The following GRID2IP variants were observed in gnomAD, a reference collection of about 807,000 sequenced individuals.
GRID2IP encodes Grid2 interacting protein.
GRID2IP carries 78 observed loss-of-function variants against 114.3 expected under a neutral mutation model. The ratio of observed to expected loss-of-function variants is 0.68; its 90% CI spans 0.57 to 0.82. GRID2IP has a LOEUF of 0.82. GRID2IP is among the 40% of genes least tolerant of loss of function. The pLI is 0.00. For synonymous variants in GRID2IP, 809 were observed against 724.0 expected, an observed-to-expected ratio of 1.12 and a Z score of -1.89; for missense variants, 1,727 against 1,678.5, an observed-to-expected ratio of 1.03 and a Z score of -0.51.
chr7:6,538,782 G>T (rs1779769785), intron 2 of GRID2IP, among the ~76,000 whole-genome samples: 2 of 152,028 alleles, frequency 1.3e-5, no homozygotes, highest in African/African-American at 4.8e-5. Context: ...GTTGAGGCAG[G>T]AGAATTGCTT....
At chr7:6,514,208 G>A (rs908565294) in intron 8 of GRID2IP, among the ~76,000 whole-genome samples, 167 bp downstream of exon 8, 9 of 152,114 alleles carry the variant, frequency 5.9e-5, no homozygotes, top group African/African-American at 1.4e-4. Flanking sequence ...AGCCAAGATC[G>A]TGCCATTGCA....
chr7:6,498,261 C>T (rs558109937), intron 20 of GRID2IP, 33 bp from the exon 21 acceptor site: 36 of 1,509,506 alleles, frequency 2.4e-5, no homozygotes, highest in East Asian at 1.7e-4. Flanking sequence ...ACAGCCAGCC[C>T]GCTTGTGCCC....
chr7:6,542,842 T>TA (rs1424610920), intron 1 of GRID2IP, among the ~76,000 whole-genome samples: 2 of 152,154 alleles, frequency 1.3e-5, no homozygotes, highest in Non-Finnish European at 2.9e-5. Flanking sequence ...TGAAAGCACA[T>TA]ACTCCATGAG....
rs4724818 is a variant in GRID2IP at position 6,551,410 on chromosome 7, C to A, written c.27G>T (p.Thr9=). 7 of 1,545,026 alleles carry A rather than the reference C, an allele frequency of 4.5e-6. No individual in the cohort carries two copies. Among genetic ancestry groups the A allele is most frequent in the South Asian group, 1.2e-5 (1 of 83,398 alleles). Residue 9 remains threonine, a synonymous_variant, in exon 1 of 22, where the codon ACG becomes ACT. Transcript: ENST00000457091. ...CAAAGTCCTCTGGCCAGCCCTGGTT[C>A]GTGGCCGGCGTGGCAGTGGTGGCCA... is the stretch of plus-strand genomic sequence containing the variant. MATTATPA[T]NQGWPEDFGF... is the part of the protein sequence containing the mutation.
chr7:6,551,189 G>A lies in GRID2IP; in HGVS notation c.248C>T (p.Pro83Leu), dbSNP rs1207540293. The change falls in exon 1 of 22, where the codon CCG becomes CTG. Residue 83 changes from proline to leucine, a missense_variant. By Grantham distance (98) the Pro-to-Leu change is moderately conservative. Coordinates refer to ENST00000457091, the MANE Select transcript of GRID2IP (RefSeq NM_001145118.2). The stretch of plus-strand genomic sequence containing the variant: ...TGGGCCGGGGCCACCGTCGGGAGCC[G>A]GGAGCACGCCCAGACTGGGCGGCAC... ...PRVPPSLGVLPAPDGGPGPGS... is the reference protein window; with the variant it reads ...PRVPPSLGVLLAPDGGPGPGS... 2 of 1,398,768 alleles carry A rather than the reference G, an allele frequency of 1.4e-6. No homozygotes were observed. Among genetic ancestry groups the A allele is most frequent in the East Asian group, 6.2e-5 (2 of 32,444 alleles). 86.6% of individuals were successfully genotyped at this position (1,398,768 alleles called of 1,614,324 possible).
Position 6,536,731 on chromosome 7 carries a change from C to T in GRID2IP, c.584+2987G>A. 1.4e-6 allele frequency: 1 copy of T among 693,856 alleles called. No homozygotes were observed. The allele number at this position is 693,856 out of a possible 1,614,324, so 43.0% of individuals were successfully genotyped here. On this transcript the variant is annotated intron_variant, in intron 2 of 21. Coordinates refer to ENST00000457091, the MANE Select transcript of GRID2IP (RefSeq NM_001145118.2). The surrounding 1 kb of genome is among the most constrained non-coding windows in gnomAD (Gnocchi z 5.3). Reference sequence around the variant, plus strand: ...TCAGCTCCCCAGGAAGCGCTCAGAGCCAGCGCATCATCTCCGCGGCAAATT... The same window carrying T: ...TCAGCTCCCCAGGAAGCGCTCAGAGTCAGCGCATCATCTCCGCGGCAAATT...
chr7:6,515,369 G>C (rs1779274084), intron 7 of GRID2IP, among the ~76,000 whole-genome samples: 1 of 152,112 alleles, frequency 6.6e-6, no homozygotes, highest in African/African-American at 2.4e-5. Flanking sequence ...GGCTGAAGTA[G>C]GAGAATCGCT....
At chr7:6,524,983 G>A (rs1373334136) in intron 4 of GRID2IP, among the ~76,000 whole-genome samples, 1 of 151,840 alleles carries the variant, frequency 6.6e-6, no homozygotes, top group African/African-American at 2.4e-5. Flanking sequence ...CTCCTAAAAT[G>A]CTGCCCCGGC....
In GRID2IP at chr7:6,523,843, G is replaced by T. The variant is rs979015858; in HGVS notation, c.920-1886C>A. Among the ~76,000 whole-genome samples, 3 of 152,128 alleles carry T rather than the reference G, an allele frequency of 2.0e-5. No individual in the cohort carries two copies. Among genetic ancestry groups the T allele is most frequent in the Non-Finnish European group, 4.4e-5 (3 of 68,026 alleles). ...CCAGCCACACCTGGATTCTAACAAG[G>T]CCCTAGGCCAGGTATCTCTGGCTAC... is the stretch of plus-strand genomic sequence containing the variant. On this transcript the variant is annotated intron_variant, in intron 4 of 21. Transcript: ENST00000457091. This position sits in a 1 kb window ranked among gnomAD's most constrained non-coding sequence, Gnocchi z 4.5.
chr7:6,521,286 A>G lies in GRID2IP; in HGVS notation c.1084+143T>C. The G allele has an allele frequency of 1.7e-6, 1 of 596,070 alleles. No individual in the cohort carries two copies. Among genetic ancestry groups the G allele is most frequent in the Non-Finnish European group, 3.0e-6 (1 of 335,264 alleles). 36.9% of individuals were successfully genotyped at this position (596,070 alleles called of 1,614,324 possible). A position where few individuals can be genotyped will look rare whatever the true frequency, so the allele number is the denominator to read the frequency against. Reference sequence around the variant, plus strand: ...ATGCCCAGCCTCACTGGGGTTCTATAGCACCACTTAGGAGGCAGCCCCGGG... The same window carrying G: ...ATGCCCAGCCTCACTGGGGTTCTATGGCACCACTTAGGAGGCAGCCCCGGG... On this transcript the variant is annotated intron_variant, in intron 6 of 21. Transcript: ENST00000457091. The surrounding 1 kb of genome is among the most constrained non-coding windows in gnomAD (Gnocchi z 4.1).
At position 6,534,232 on chromosome 7, in the gene GRID2IP, G is replaced by A. The variant is rs776868986; in HGVS notation, c.584+5486C>T. 2.6e-5 allele frequency among the ~76,000 whole-genome samples: 4 copies of A among 152,076 alleles called. No individual in the cohort carries two copies. The highest frequency in any genetic ancestry group is 2.1e-4 in the South Asian group (1 of 4,818). ...TTCAAGCCGGGTCTGTCCGGATTCC[G>A]AATCCCAGCTTCTACCATGACCTGC... is the stretch of plus-strand genomic sequence containing the variant. On this transcript the variant is annotated intron_variant, in intron 2 of 21. Transcript: ENST00000457091. The surrounding 1 kb of genome is among the most constrained non-coding windows in gnomAD (Gnocchi z 4.5).
At chr7:6,537,682 C>A (rs1779750070) in intron 2 of GRID2IP, among the ~76,000 whole-genome samples, 1 of 151,574 alleles carries the variant, frequency 6.6e-6, no homozygotes, top group Non-Finnish European at 1.5e-5. Flanking sequence ...CCGGCTGAGA[C>A]CTCGTCTTTC....
In GRID2IP at chr7:6,519,519, A is replaced by C. The variant is rs913420815; in HGVS notation, c.1268+1059T>G. ...ATGCCTGTAATCCCAGCACTTTGGGAGGCTGAAGCAGGTGGATCACCTGAG... is the reference window on the plus strand; with the variant it reads ...ATGCCTGTAATCCCAGCACTTTGGGCGGCTGAAGCAGGTGGATCACCTGAG... On this transcript the variant is annotated intron_variant, in intron 7 of 21. Transcript: ENST00000457091. The surrounding 1 kb of genome is among the most constrained non-coding windows in gnomAD (Gnocchi z 4.1). Among the ~76,000 whole-genome samples the C allele has an allele frequency of 6.6e-6, 1 of 152,114 alleles. No individual in the cohort carries two copies. The highest frequency in any genetic ancestry group is 6.6e-5 in the Admixed American group (1 of 15,262).
chr7:6,513,292 G>T (rs1430709469), intron 8 of GRID2IP, among the ~76,000 whole-genome samples: 1 of 149,326 alleles, frequency 6.7e-6, no homozygotes, highest in Non-Finnish European at 1.5e-5. Context: ...ATAGCTCACT[G>T]CAGCCTTGAT....
rs140741655 is a variant in GRID2IP at position 6,519,681 on chromosome 7, C to T, written c.1268+897G>A. Among the ~76,000 whole-genome samples, 214 of 151,724 alleles carry T rather than the reference C, an allele frequency of 1.4e-3. No homozygotes were observed. The highest frequency in any genetic ancestry group is 6.8e-3 in the Middle Eastern group (2 of 292). On this transcript the variant is annotated intron_variant, in intron 7 of 21. Transcript: ENST00000457091. This position sits in a 1 kb window ranked among gnomAD's most constrained non-coding sequence, Gnocchi z 4.1. ...CTGAGGCAGGAGAATCGCTTGAGTC[C>T]GGGAGGTGGGGGTTGCGGTGAGCCG...
intron 2 of GRID2IP, among the ~76,000 whole-genome samples, chr7:6,537,947 G>A (rs1272799126): frequency 1.3e-5 from 2 of 152,182 alleles, no homozygotes. Context: ...TGTGGCTTCA[G>A]GCCAGCCTCT....
chr7:6,530,201 G>A (rs1444921219), intron 2 of GRID2IP, among the ~76,000 whole-genome samples: 1 of 151,698 alleles, frequency 6.6e-6, no homozygotes, highest in Admixed American at 6.6e-5. Flanking sequence ...CTCATGATCC[G>A]CCCGCCTCGG....
rs1779980857 is a variant in GRID2IP, at chr7:6,551,432, G to A, written c.5C>T (p.Ala2Val). The A allele has an allele frequency of 6.5e-7, 1 of 1,543,006 alleles. No individual in the cohort carries two copies. The highest frequency in any genetic ancestry group is 2.0e-5 in the Admixed American group (1 of 50,156). ...GTTCGTGGCCGGCGTGGCAGTGGTG[G>A]CCATGCACCTAGAACTGGAGACAGA... M[A>V]TTATPATNQG... The change falls in exon 1 of 22, where the codon GCC becomes GTC. Residue 2 changes from alanine (A) to valine (V), a missense_variant. Coordinates refer to ENST00000457091, the MANE Select transcript of GRID2IP (RefSeq NM_001145118.2).
chr7:6,513,868 A>G (rs558644615), intron 8 of GRID2IP, among the ~76,000 whole-genome samples: 1 of 141,376 alleles, frequency 7.1e-6, no homozygotes, highest in East Asian at 2.1e-4. Context: ...GGATCACTTG[A>G]GCCCAGGAGG....
Sources: gnomAD v4.1 joint callset for allele counts (sites outside exome capture counted in the v4.1 genomes callset) on GRCh38, gnomAD v4.1.1 for gene constraint, Gnocchi (gnomAD v3.1) non-coding constraint, MANE v1.5 for transcripts, NCBI Gene and HGNC (gene_info 2026-07-23, HGNC 2026-07-21) for gene names.